BMPR1B: variants seen among roughly 807,000 people sequenced by gnomAD.
BMPR1B encodes the protein bone morphogenetic protein receptor type 1B.
A neutral mutation model predicts 59.1 loss-of-function variants in BMPR1B; 12 were observed. The ratio of observed to expected loss-of-function variants is 0.20; its 90% confidence interval spans 0.13 to 0.33. The LOEUF (loss-of-function observed/expected upper bound fraction) is 0.33. BMPR1B is among the 10% of genes least tolerant of loss of function. The probability of loss-of-function intolerance (pLI) is 1.00; values close to 1 mark genes in which losing one functional copy is unlikely to be tolerated. For missense variants in BMPR1B, 550 were observed against 610.9 expected (o/e 0.90, Z 1.05); for synonymous variants, 237 against 207.3 (o/e 1.14, Z -1.23).
chr4:94,837,293 G>T (rs1417150268), intron 1 of BMPR1B, among the ~76,000 whole-genome samples: 1 of 149,600 alleles, frequency 6.7e-6, no homozygotes, highest in African/African-American at 2.5e-5. Context: ...CCATTTCTGT[G>T]AAGAAAGGCA....
intron 3 of BMPR1B, among the ~76,000 whole-genome samples, chr4:95,061,096 C>T (rs1314138145): frequency 6.6e-6 from 1 of 151,354 alleles, no homozygotes; most frequent in East Asian, 2.0e-4. Context: ...AAAATTAGCA[C>T]TCAAGATAGC....
chr4:95,063,850 G>A (rs994801103), intron 3 of BMPR1B, among the ~76,000 whole-genome samples: 4 of 152,014 alleles, frequency 2.6e-5, no homozygotes, highest in African/African-American at 7.2e-5. Flanking sequence ...CAGAAGACAC[G>A]AACAGGGCAT....
chr4:95,143,041 C>T (rs1734364871), intron 10 of BMPR1B, among the ~76,000 whole-genome samples: 1 of 152,124 alleles, frequency 6.6e-6, no homozygotes, highest in South Asian at 2.1e-4. Context: ...TTCCCTGAGT[C>T]CACTGGGGTG....
Position 95,055,145 on chromosome 4 carries a change from C to T in BMPR1B, c.-17-49263C>T, listed in dbSNP as rs529162053. On this transcript the variant is annotated intron_variant, in intron 3 of 12. Transcript: ENST00000515059. The stretch of plus-strand genomic sequence containing the variant: ...GTGATCAAAACCAGACCCAAGTCTC[C>T]ATGGTCTGTACAGTTTTATATAACC... Among the ~76,000 whole-genome samples, 17 of 152,232 alleles carry T rather than the reference C, an allele frequency of 1.1e-4. No individual in the cohort carries two copies. In the South Asian group the frequency reaches 3.5e-3, roughly 32 times the overall value.
chr4:94,978,997 G>A (rs1192027141), intron 2 of BMPR1B, among the ~76,000 whole-genome samples: 1 of 151,202 alleles, frequency 6.6e-6, no homozygotes, highest in African/African-American at 2.4e-5. Context: ...AAGAGTAGAA[G>A]TTGTCATCAT....
intron 10 of BMPR1B, among the ~76,000 whole-genome samples, chr4:95,135,813 G>C (rs371229619): frequency 1.8e-4 from 28 of 152,262 alleles, no homozygotes; most frequent in African/African-American, 6.5e-4. Flanking sequence ...TGCAAACAGG[G>C]ACAATTTAAC....
At chr4:95,137,418 A>G (rs1453823429) in intron 10 of BMPR1B, among the ~76,000 whole-genome samples, 3 of 152,178 alleles carry the variant, frequency 2.0e-5, no homozygotes, top group East Asian at 1.9e-4. Context: ...GTAGATGTCT[A>G]TTAGGTCTGC....
chr4:94,780,283 C>G (rs951580811), intron 1 of BMPR1B, among the ~76,000 whole-genome samples: 1 of 152,214 alleles, frequency 6.6e-6, no homozygotes, highest in South Asian at 2.1e-4. Flanking sequence ...TATGAGATCT[C>G]TGGTGACTGG....
chr4:94,826,061 A>G (rs1193338648), intron 1 of BMPR1B, among the ~76,000 whole-genome samples: 1 of 152,144 alleles, frequency 6.6e-6, no homozygotes, highest in African/African-American at 2.4e-5. Context: ...TTTTAAAATC[A>G]TTTCCTCAAA....
chr4:94,948,581 A>G (rs1161150616), intron 2 of BMPR1B, among the ~76,000 whole-genome samples: 2 of 152,180 alleles, frequency 1.3e-5, no homozygotes, highest in Admixed American at 1.3e-4. Context: ...AGGATGCGGC[A>G]TTGTAGCTCC....
chr4:94,902,081 GTGTGT>G lies in BMPR1B; in HGVS notation c.-113+26182_-113+26186del, dbSNP rs199636614. On this transcript the variant is annotated intron_variant, in intron 2 of 12. Transcript: ENST00000515059. Reference sequence around the variant, plus strand: ...TGTGTGTGTGTGTGTGTGTGTGTGTGTGTGTGGGGTGTATTTAAAGGAAACAACTT... The same window carrying G: ...TGTGTGTGTGTGTGTGTGTGTGTGTGGGGGTGTATTTAAAGGAAACAACTT... Among the ~76,000 whole-genome samples, 347 of 137,216 alleles carry G rather than the reference GTGTGT, an allele frequency of 2.5e-3. 1 individual carries two copies. Among genetic ancestry groups the G allele is most frequent in the South Asian group, 0.019 (87 of 4,552 alleles). The allele number at this position is 137,216 out of a possible 152,430, so 90.0% of individuals were successfully genotyped here.
chr4:94,866,374 C>A (rs1279548908), intron 1 of BMPR1B, among the ~76,000 whole-genome samples: 4 of 152,114 alleles, frequency 2.6e-5, no homozygotes, highest in Non-Finnish European at 5.9e-5. Context: ...GATCTTCCCC[C>A]CTCCACCCTG....
chr4:95,030,657 G>A (rs553804041), intron 3 of BMPR1B, among the ~76,000 whole-genome samples: 1 of 152,106 alleles, frequency 6.6e-6, no homozygotes, highest in East Asian at 1.9e-4. Context: ...AAGCTGATAA[G>A]AAACTTCAGC....
At chr4:94,955,523 A>C (rs774247824) in intron 2 of BMPR1B, among the ~76,000 whole-genome samples, 1 of 152,218 alleles carries the variant, frequency 6.6e-6, no homozygotes, top group African/African-American at 2.4e-5. Context: ...GTCAGTGCTA[A>C]TAATGTTAAT....
At chr4:94,944,978 A>G (rs1478749051) in intron 2 of BMPR1B, among the ~76,000 whole-genome samples, 1 of 152,196 alleles carries the variant, frequency 6.6e-6, no homozygotes, top group African/African-American at 2.4e-5. Flanking sequence ...GCTCTATACA[A>G]GTGATGGGGC....
intron 1 of BMPR1B, among the ~76,000 whole-genome samples, chr4:94,780,849 C>T (rs992234864): frequency 1.2e-4 from 18 of 151,800 alleles, no homozygotes; most frequent in African/African-American, 2.7e-4. Flanking sequence ...CCACCATGTC[C>T]GGCTAATTTT....
At chr4:94,842,375 C>T (rs924174839) in intron 1 of BMPR1B, among the ~76,000 whole-genome samples, 5 of 151,966 alleles carry the variant, frequency 3.3e-5, no homozygotes, top group African/African-American at 1.2e-4. Flanking sequence ...ATAAGTAGAA[C>T]ACTGAAAACT....
At chr4:94,758,717 T>C (rs1721634620) in intron 1 of BMPR1B, among the ~76,000 whole-genome samples, 1 of 152,076 alleles carries the variant, frequency 6.6e-6, no homozygotes, top group South Asian at 2.1e-4. Flanking sequence ...TCTCTATGCC[T>C]CTCTCTCAAG....
At chr4:94,902,249 C>CAGAG (rs142124519) in intron 2 of BMPR1B, among the ~76,000 whole-genome samples, 22 of 69,034 alleles carry the variant, frequency 3.2e-4, no homozygotes, top group East Asian at 6.5e-4. Context: ...CACACACACA[C>CAGAG]AGAGAGAGAG....
Sources: allele counts gnomAD v4.1 joint callset (sites outside exome capture counted in the v4.1 genomes callset), GRCh38; gene constraint gnomAD v4.1.1; transcripts MANE v1.5; gene names NCBI Gene and HGNC (gene_info 2026-07-23, HGNC 2026-07-21).